Variants in CDH13 observed in about 807,000 individuals in gnomAD.
CDH13 encodes cadherin 13.
CDH13 carries 24 observed loss-of-function variants against 63.8 expected under a neutral mutation model. That is an observed-to-expected ratio of 0.38 (90% CI 0.27 to 0.53). CDH13 has a LOEUF of 0.53. Among genes scored for constraint, CDH13 ranks in the 20% least tolerant of loss-of-function variants. The pLI is 0.85. For missense variants in CDH13, 1,049 were observed against 903.1 expected (o/e 1.16, Z -2.07); for synonymous variants, 503 against 355.3 (o/e 1.42, Z -4.67).
At chr16:82,716,367 G>C (rs770324131) in intron 1 of CDH13, among the ~76,000 whole-genome samples, 1 of 151,916 alleles carries the variant, frequency 6.6e-6, no homozygotes, top group Non-Finnish European at 1.5e-5. Flanking sequence ...GACAAACATG[G>C]ATCCAAATTA....
intron 2 of CDH13, among the ~76,000 whole-genome samples, chr16:82,926,750 C>T (rs1051766536): frequency 3.3e-5 from 5 of 152,176 alleles, no homozygotes; most frequent in African/African-American, 1.2e-4. Context: ...GAGGCATGGA[C>T]AGGAGGACTT....
At chr16:82,806,951 T>C (rs145731583) in intron 1 of CDH13, among the ~76,000 whole-genome samples, 4 of 152,306 alleles carry the variant, frequency 2.6e-5, no homozygotes, top group East Asian at 3.9e-4. Flanking sequence ...GCAGTCATCA[T>C]TGGGGTGAAA....
intron 1 of CDH13, among the ~76,000 whole-genome samples, chr16:82,818,741 G>A (rs533942206): frequency 1.6e-4 from 24 of 152,250 alleles, no homozygotes; most frequent in South Asian, 6.2e-4. Flanking sequence ...GGCATCTCTC[G>A]GCAGCATGCA....
chr16:83,160,025 G>A (rs952950932), intron 4 of CDH13, among the ~76,000 whole-genome samples: 3 of 151,918 alleles, frequency 2.0e-5, no homozygotes, highest in Admixed American at 6.6e-5. Flanking sequence ...GCAGTGAGCC[G>A]ATATCACACC....
intron 2 of CDH13, among the ~76,000 whole-genome samples, chr16:82,862,464 C>T (rs1187263376): frequency 1.3e-5 from 2 of 152,210 alleles, no homozygotes; most frequent in Non-Finnish European, 2.9e-5. Flanking sequence ...AAACCATACC[C>T]TTGACCTCCA....
chr16:82,852,956 G>T (rs1237808658), intron 1 of CDH13, among the ~76,000 whole-genome samples: 1 of 152,044 alleles, frequency 6.6e-6, no homozygotes, highest in Non-Finnish European at 1.5e-5. Context: ...TCTTGAATCA[G>T]TACCTGTCAG....
chr16:82,713,340 G>T (rs1054425443), intron 1 of CDH13, among the ~76,000 whole-genome samples: 2 of 152,054 alleles, frequency 1.3e-5, no homozygotes, highest in South Asian at 4.2e-4. Flanking sequence ...CTCAGAACTA[G>T]GATATCCATC....
intron 7 of CDH13, among the ~76,000 whole-genome samples, chr16:83,564,914 G>A (rs1404700521): frequency 6.6e-6 from 1 of 151,944 alleles, no homozygotes; most frequent in African/African-American, 2.4e-5. Flanking sequence ...GTTGTTGTTG[G>A]TTTTGTTGTT....
At chr16:83,310,852 C>A (rs967133412) in intron 5 of CDH13, among the ~76,000 whole-genome samples, 3 of 152,156 alleles carry the variant, frequency 2.0e-5, no homozygotes, top group Non-Finnish European at 4.4e-5. Context: ...GAGAAAGGAA[C>A]CCTCCTAACA....
At chr16:82,971,398 G>A (rs1908722542) in intron 2 of CDH13, among the ~76,000 whole-genome samples, 1 of 152,142 alleles carries the variant, frequency 6.6e-6, no homozygotes, top group African/African-American at 2.4e-5. Flanking sequence ...TTGTTGCAAG[G>A]TCTGTTCCTA....
chr16:83,098,219 CGT>C (rs1567826803), intron 3 of CDH13, among the ~76,000 whole-genome samples: 2 of 152,170 alleles, frequency 1.3e-5, no homozygotes, highest in East Asian at 3.9e-4. Flanking sequence ...TATCACAGTT[CGT>C]GTTAAATAAT....
intron 1 of CDH13, among the ~76,000 whole-genome samples, chr16:82,835,251 C>T (rs1051039072): frequency 1.3e-5 from 2 of 152,200 alleles, no homozygotes; most frequent in Non-Finnish European, 2.9e-5. Flanking sequence ...GTTTAACAGG[C>T]ACATGTGACC....
intron 5 of CDH13, among the ~76,000 whole-genome samples, chr16:83,228,919 G>A (rs1310975129): frequency 6.6e-6 from 1 of 152,208 alleles, no homozygotes; most frequent in African/African-American, 2.4e-5. Flanking sequence ...CTGGGTCTTT[G>A]AAGCCAGAGT....
chr16:82,696,298 T>C (rs2030279904), intron 1 of CDH13, among the ~76,000 whole-genome samples: 1 of 152,242 alleles, frequency 6.6e-6, no homozygotes, highest in Non-Finnish European at 1.5e-5. Context: ...TCACTCACTC[T>C]ATATATTTTA....
chr16:83,389,867 C>G (rs1001910436), intron 6 of CDH13, among the ~76,000 whole-genome samples: 1 of 152,208 alleles, frequency 6.6e-6, no homozygotes, highest in African/African-American at 2.4e-5. Flanking sequence ...CTACGAAGAA[C>G]ATTGCCCTGT....
At chr16:83,569,627 A>G (rs569617798) in intron 7 of CDH13, among the ~76,000 whole-genome samples, 1 of 152,350 alleles carries the variant, frequency 6.6e-6, no homozygotes, top group East Asian at 1.9e-4. Context: ...TCCCAAGATA[A>G]CAAGATTTCT....
chr16:83,016,229 A>T (rs535315598), intron 2 of CDH13, among the ~76,000 whole-genome samples: 4 of 152,308 alleles, frequency 2.6e-5, no homozygotes, highest in African/African-American at 9.6e-5. Flanking sequence ...CACAAGAATT[A>T]ATTGTGCTTC....
intron 10 of CDH13, among the ~76,000 whole-genome samples, chr16:83,699,697 C>A (rs956184644): frequency 1.3e-5 from 2 of 152,190 alleles, no homozygotes; most frequent in Non-Finnish European, 2.9e-5. Context: ...TGCATGTGAT[C>A]TAACTCACTG....
chr16:83,475,709 G>T (rs990691493), intron 6 of CDH13, among the ~76,000 whole-genome samples: 5 of 152,118 alleles, frequency 3.3e-5, no homozygotes, highest in African/African-American at 1.2e-4. Context: ...AGCCTCCCCA[G>T]TAACTAGGAT....
Sources: allele counts gnomAD v4.1 joint callset (sites outside exome capture counted in the v4.1 genomes callset), GRCh38; gene constraint gnomAD v4.1.1; transcripts MANE v1.5; gene names NCBI Gene and HGNC (gene_info 2026-07-23, HGNC 2026-07-21).